Variants in SETD5 observed in about 807,000 individuals in gnomAD.
The protein encoded by SETD5 is histone-lysine N-methyltransferase SETD5.
Under a neutral mutation model 153.3 loss-of-function variants are expected in SETD5, and 44 were observed. The ratio of observed to expected loss-of-function variants is 0.29; its 90% CI spans 0.23 to 0.37. The LOEUF (loss-of-function observed/expected upper bound fraction) is 0.37, where lower values mean the gene tolerates loss of function less well. Among genes scored for constraint, SETD5 ranks in the 10% least tolerant of loss-of-function variants. The pLI, the probability that SETD5 is intolerant of heterozygous loss-of-function variation, is 1.00. For missense variants in SETD5, 1,544 were observed against 1,768.0 expected, an observed-to-expected ratio of 0.87 and a Z score of 2.27; for synonymous variants, 716 against 645.2, an observed-to-expected ratio of 1.11 and a Z score of -1.66.
intron 1 of SETD5, among the ~76,000 whole-genome samples, chr3:9,412,697 CA>C (rs2036790517): frequency 6.6e-6 from 1 of 151,824 alleles, no homozygotes; most frequent in Non-Finnish European, 1.5e-5. Context: ...AGGCATAAGC[CA>C]TCAGGCCCAG....
intron 1 of SETD5, among the ~76,000 whole-genome samples, chr3:9,411,775 C>G (rs1023471079): frequency 1.3e-5 from 2 of 152,098 alleles, no homozygotes; most frequent in African/African-American, 4.8e-5. Flanking sequence ...CTGAACTTTA[C>G]TTAGAATTAG....
chr3:9,441,880 T>C, intron 9 of SETD5, 139 bp downstream of exon 9: 1 of 1,085,940 alleles, frequency 9.2e-7, no homozygotes, highest in Non-Finnish European at 1.4e-6. Context: ...TGTCTGCTAT[T>C]TGTAGAGAAG....
intron 2 of SETD5, among the ~76,000 whole-genome samples, 185 bp downstream of exon 2, chr3:9,424,711 TAG>T (rs1429685877): frequency 1.3e-5 from 2 of 152,348 alleles, no homozygotes; most frequent in East Asian, 1.9e-4. Context: ...CCTGTTCTCA[TAG>T]AGTTTATATT....
chr3:9,465,511 T>C (rs996362700), intron 18 of SETD5, among the ~76,000 whole-genome samples: 1 of 152,242 alleles, frequency 6.6e-6, no homozygotes, highest in Non-Finnish European at 1.5e-5. Context: ...CACACTCTGC[T>C]GCTCTGCCCC....
At chr3:9,436,023 T>C (rs1208699078) in intron 7 of SETD5, 117 bp downstream of exon 7, 1 of 915,516 alleles carries the variant, frequency 1.1e-6, no homozygotes, top group Non-Finnish European at 1.6e-6. Flanking sequence ...GGGCCACTTT[T>C]GTTCTACTTG....
chr3:9,460,023 T>C (rs1039581355), intron 17 of SETD5, among the ~76,000 whole-genome samples: 5 of 151,910 alleles, frequency 3.3e-5, no homozygotes, highest in African/African-American at 7.3e-5. Flanking sequence ...TAAGTAATTG[T>C]TAGCCAAAGT....
chr3:9,432,673 T>G (rs2040106735), intron 3 of SETD5, among the ~76,000 whole-genome samples: 1 of 152,178 alleles, frequency 6.6e-6, no homozygotes, highest in Non-Finnish European at 1.5e-5. Flanking sequence ...ACAATCAGAG[T>G]TGAAGTTCTT....
chr3:9,406,011 A>T (rs1450031138), intron 1 of SETD5, among the ~76,000 whole-genome samples: 3 of 152,176 alleles, frequency 2.0e-5, no homozygotes, highest in Non-Finnish European at 4.4e-5. Flanking sequence ...GGAAGGTTTT[A>T]CTTAGAAGGA....
rs781546840 is a variant in SETD5, at chr3:9,442,146, C to T, written c.978C>T (p.Leu326=). ...TCCCTAGACCATACCCCTTTGTGCT[C>T]TTCTACTCAAAATTCAATGGTGTAG... The part of the protein sequence containing the change: ...HFFKKPYPFV[L]FYSKFNGVEM... Residue 326 remains leucine, a synonymous_variant, in exon 10 of 23, where the codon CTC becomes CTT. Coordinates refer to ENST00000402198, the MANE Select transcript of SETD5 (RefSeq NM_001080517.3). The T allele has an allele frequency of 6.2e-7, 1 of 1,611,554 alleles. No individual in the cohort carries two copies. Among genetic ancestry groups the T allele is most frequent in the African/African-American group, 1.3e-5 (1 of 74,904 alleles).
rs1377623903 is a variant in SETD5 at position 9,477,348 on chromosome 3, A to C, written c.*1257A>C. The C allele has an allele frequency of 6.6e-6, 1 of 152,556 alleles. No homozygotes were observed. The highest frequency in any genetic ancestry group is 2.4e-5 in the African/African-American group (1 of 41,414). 9.5% of individuals were successfully genotyped at this position (152,556 alleles called of 1,614,324 possible). A position where few individuals can be genotyped will look rare whatever the true frequency, so the allele number is the denominator to read the frequency against. On this transcript the variant is annotated 3_prime_UTR_variant, in exon 23 of 23. Transcript: ENST00000402198. ...TTAAATTCCATATGGTTGCCAGCTT[A>C]TTTCTTTCACTTGTTTACTGTAATA... is the stretch of plus-strand genomic sequence containing the variant.
At chr3:9,451,201 A>C (rs1452938288) in intron 16 of SETD5, among the ~76,000 whole-genome samples, 1 of 152,180 alleles carries the variant, frequency 6.6e-6, no homozygotes, top group South Asian at 2.1e-4. Context: ...ATTTCATTTT[A>C]TACACTGGAG....
intron 1 of SETD5, among the ~76,000 whole-genome samples, chr3:9,399,457 C>G (rs1367830480): frequency 6.6e-6 from 1 of 151,764 alleles, no homozygotes; most frequent in Non-Finnish European, 1.5e-5. Flanking sequence ...GGATTTCTTC[C>G]AGTTTTCTCA....
chr3:9,435,385 T>A lies in SETD5; in HGVS notation c.389-343T>A, dbSNP rs931527821. ...GTAAACGAAATGTGTTGAGAACAGT[T>A]TAGTCCTGTAGCAAAGTATTCCTTG... On this transcript the variant is annotated intron_variant, in intron 6 of 22. Coordinates refer to ENST00000402198, the MANE Select transcript of SETD5 (RefSeq NM_001080517.3). Among the ~76,000 whole-genome samples, 11 of 152,216 alleles carry A rather than the reference T, an allele frequency of 7.2e-5. No homozygotes were observed. In the East Asian group the frequency reaches 1.2e-3, roughly 16 times the overall value.
chr3:9,467,313 G>A (rs2044724620), intron 18 of SETD5, among the ~76,000 whole-genome samples: 2 of 151,958 alleles, frequency 1.3e-5, no homozygotes. Flanking sequence ...GTGCTAAGGG[G>A]AAGAAGGTAA....
In SETD5 at chr3:9,414,603, T is replaced by C. The variant is rs117016348; in HGVS notation, c.-176-9864T>C. 1.3e-3 allele frequency among the ~76,000 whole-genome samples: 205 copies of C among 152,304 alleles called. 5 individuals carry two copies. In the East Asian group the frequency reaches 0.024, roughly 18 times the overall value. ...AGTCCTGTCTTGGCTAAATAGGTAA[T>C]GGTCCTTAAGGACATAAAATGGAAG... On this transcript the variant is annotated intron_variant, in intron 1 of 22. Transcript: ENST00000402198.
At chr3:9,471,036 T>G (rs1050934294) in intron 19 of SETD5, 107 bp downstream of exon 19, 2 of 635,190 alleles carry the variant, frequency 3.1e-6, no homozygotes, top group Admixed American at 2.9e-5. Flanking sequence ...CTCAGACAAG[T>G]GAGACATAGT....
At chr3:9,457,423 G>C in intron 17 of SETD5, among the ~76,000 whole-genome samples, 1 of 152,034 alleles carries the variant, frequency 6.6e-6, no homozygotes, top group Non-Finnish European at 1.5e-5. Flanking sequence ...GGAGGCGGAG[G>C]TTGCAGTGAG....
rs1304539619 is a variant in SETD5 at position 9,453,790 on chromosome 3, C to A, written c.2398C>A (p.Pro800Thr). The change falls in exon 17 of 23, where the codon CCC becomes ACC. Residue 800 changes from proline (P) to threonine (T), a missense_variant. Around this residue, in one of 9 missense-constraint regions of SETD5, gnomAD observed 782 missense variants for 787.2 expected, o/e 0.99. Transcript: ENST00000402198. ...EEGMTQTSSV[P>T]QETRTQHLYQ... is the part of the protein sequence containing the mutation. ...AGGGATGACTCAAACATCATCTGTACCCCAAGAGACTAGAACTCAGCACCT... is the reference window on the plus strand; with the variant it reads ...AGGGATGACTCAAACATCATCTGTAACCCAAGAGACTAGAACTCAGCACCT... 1 of 1,609,604 alleles carries A rather than the reference C, an allele frequency of 6.2e-7. No individual in the cohort carries two copies. Among genetic ancestry groups the A allele is most frequent in the East Asian group, 2.2e-5 (1 of 44,670 alleles).
intron 7 of SETD5, among the ~76,000 whole-genome samples, chr3:9,436,173 C>A (rs755550108): frequency 1.3e-5 from 2 of 152,186 alleles, no homozygotes; most frequent in Non-Finnish European, 2.9e-5. Context: ...GGCACAATCC[C>A]GTATGTGTTG....
Sources: allele counts gnomAD v4.1 joint callset (sites outside exome capture counted in the v4.1 genomes callset), GRCh38; gene constraint gnomAD v4.1.1; regional missense constraint gnomAD v4.1.1; transcripts MANE v1.5; gene names NCBI Gene and HGNC (gene_info 2026-07-23, HGNC 2026-07-21).